ROBO2: variants seen among roughly 807,000 people sequenced by gnomAD.
The protein encoded by ROBO2 is roundabout guidance receptor 2.
Under a neutral mutation model 160.8 loss-of-function variants are expected in ROBO2, and 53 were observed. The ratio of observed to expected loss-of-function variants is 0.33; its 90% CI spans 0.26 to 0.41. The LOEUF (loss-of-function observed/expected upper bound fraction) is 0.41. Ranked by LOEUF, ROBO2 falls within the 10% of genes least tolerant of loss-of-function variation. The probability of loss-of-function intolerance (pLI) is 1.00; values close to 1 mark genes in which losing one functional copy is unlikely to be tolerated. For synonymous variants in ROBO2, 664 were observed against 611.7 expected, an observed-to-expected ratio of 1.09 and a Z score of -1.26; for missense variants, 1,577 against 1,722.4, an observed-to-expected ratio of 0.92 and a Z score of 1.49.
chr3:77,505,831 A>C (rs1166759443), intron 5 of ROBO2, among the ~76,000 whole-genome samples: 1 of 152,072 alleles, frequency 6.6e-6, no homozygotes, highest in African/African-American at 2.4e-5. Context: ...ATTTGAATCC[A>C]AATCCAAATC....
rs532828033 is a variant in ROBO2, at chr3:76,938,501, T to C, written c.110-159513T>C. 2.6e-5 allele frequency among the ~76,000 whole-genome samples: 4 copies of C among 152,212 alleles called. No individual in the cohort carries two copies. The East Asian group carries it at 7.8e-4, about 30-fold the overall frequency. ...AAAACCCACCAACCTACTTTCTGCT[T>C]CTCTCTGGTGATCTGCTCTCTCTCT... On this transcript the variant is annotated intron_variant, in intron 2 of 26. Transcript: ENST00000487694.
intron 2 of ROBO2, among the ~76,000 whole-genome samples, chr3:76,627,244 C>T (rs922816933): frequency 6.6e-6 from 1 of 152,166 alleles, no homozygotes; most frequent in Non-Finnish European, 1.5e-5. Flanking sequence ...TAATTTTACT[C>T]TCTCTACACT....
intron 2 of ROBO2, among the ~76,000 whole-genome samples, chr3:76,227,094 G>C (rs1704335725): frequency 6.6e-6 from 1 of 152,158 alleles, no homozygotes; most frequent in South Asian, 2.1e-4. Context: ...TCACTACAGT[G>C]AATCTGGAAT....
In ROBO2 at chr3:76,049,486, C is replaced by T. The variant is rs763353241; in HGVS notation, c.109+111884C>T. On this transcript the variant is annotated intron_variant, in intron 2 of 26. Transcript: ENST00000487694. Reference sequence around the variant, plus strand: ...CTCAAACTCCTGGACTCAAGTGATCCGTCTCCCTCAGTCTCCCAAAGTGCT... The same window carrying T: ...CTCAAACTCCTGGACTCAAGTGATCTGTCTCCCTCAGTCTCCCAAAGTGCT... Among the ~76,000 whole-genome samples the T allele has an allele frequency of 1.5e-3, 209 of 143,616 alleles. 1 individual carries two copies. Among genetic ancestry groups the T allele is most frequent in the Non-Finnish European group, 2.4e-3 (161 of 66,956 alleles). The allele number at this position is 143,616 out of a possible 152,430, so 94.2% of individuals were successfully genotyped here.
chr3:76,545,175 C>A (rs778737329), intron 2 of ROBO2, among the ~76,000 whole-genome samples: 1 of 151,880 alleles, frequency 6.6e-6, no homozygotes, highest in Non-Finnish European at 1.5e-5. Flanking sequence ...GTGGATACTT[C>A]GATTTTTCTC....
chr3:77,307,643 G>T (rs1448025561), intron 2 of ROBO2, among the ~76,000 whole-genome samples: 1 of 152,186 alleles, frequency 6.6e-6, no homozygotes, highest in East Asian at 1.9e-4. Context: ...AGCACTTTGG[G>T]AGGCTGAGGC....
At chr3:76,048,168 T>C (rs2107799471) in intron 2 of ROBO2, among the ~76,000 whole-genome samples, 1 of 152,208 alleles carries the variant, frequency 6.6e-6, no homozygotes, top group South Asian at 2.1e-4. Flanking sequence ...TGCATTCCCG[T>C]AGGTGGGCAG....
At chr3:76,586,539 T>A (rs1011519981) in intron 2 of ROBO2, among the ~76,000 whole-genome samples, 2 of 152,226 alleles carry the variant, frequency 1.3e-5, no homozygotes, top group African/African-American at 2.4e-5. Flanking sequence ...TAAAATGAGT[T>A]TTTTAAAAAT....
At chr3:77,139,583 G>A (rs1327008070) in intron 2 of ROBO2, among the ~76,000 whole-genome samples, 1 of 152,164 alleles carries the variant, frequency 6.6e-6, no homozygotes, top group Admixed American at 6.6e-5. Flanking sequence ...ATATAATGCA[G>A]ATATGAAACC....
At chr3:76,464,027 T>G (rs528310214) in intron 2 of ROBO2, among the ~76,000 whole-genome samples, 60 of 152,012 alleles carry the variant, frequency 3.9e-4, no homozygotes, top group Middle Eastern at 6.8e-3. Flanking sequence ...ATAATAGGAG[T>G]TGGAAAGAGA....
At chr3:77,392,471 T>A (rs2074837950) in intron 2 of ROBO2, among the ~76,000 whole-genome samples, 1 of 152,242 alleles carries the variant, frequency 6.6e-6, no homozygotes, top group Non-Finnish European at 1.5e-5. Flanking sequence ...GACACCACAA[T>A]GCCTGACTCT....
At chr3:76,980,599 A>G (rs945037893) in intron 2 of ROBO2, among the ~76,000 whole-genome samples, 1 of 152,176 alleles carries the variant, frequency 6.6e-6, no homozygotes, top group Non-Finnish European at 1.5e-5. Context: ...GACAACTTGA[A>G]CTATGCATTT....
At chr3:76,535,044 T>G (rs1247545648) in intron 2 of ROBO2, among the ~76,000 whole-genome samples, 1 of 151,898 alleles carries the variant, frequency 6.6e-6, no homozygotes, top group Non-Finnish European at 1.5e-5. Flanking sequence ...GGTGAGTTGC[T>G]GGGACTGGTG....
chr3:76,275,909 A>T (rs1312672740), intron 2 of ROBO2, among the ~76,000 whole-genome samples: 2 of 152,098 alleles, frequency 1.3e-5, no homozygotes, highest in African/African-American at 4.8e-5. Context: ...TGTAAAGACA[A>T]AAAAGAACTC....
At chr3:77,446,642 T>C (rs574674489) in intron 2 of ROBO2, among the ~76,000 whole-genome samples, 1 of 152,148 alleles carries the variant, frequency 6.6e-6, no homozygotes, top group African/African-American at 2.4e-5. Context: ...TGTATATGGT[T>C]TCTACTACAA....
chr3:77,646,434 G>C (rs1352829973), exon 26 of ROBO2: 1 of 182,480 alleles, frequency 5.5e-6, no homozygotes, highest in Admixed American at 6.1e-5. Context: ...TGAATTAATA[G>C]GCTGTGGTGC....
intron 2 of ROBO2, among the ~76,000 whole-genome samples, chr3:76,541,812 G>T (rs1173470689): frequency 6.6e-6 from 1 of 152,162 alleles, no homozygotes; most frequent in Non-Finnish European, 1.5e-5. Flanking sequence ...CTGTCATGCT[G>T]TTCCTACCTT....
chr3:77,468,434 G>T (rs1367160529), intron 2 of ROBO2, among the ~76,000 whole-genome samples: 4 of 152,152 alleles, frequency 2.6e-5, no homozygotes, highest in Admixed American at 2.6e-4. Context: ...CATTACAGAG[G>T]TTATGGATAC....
chr3:77,373,695 A>G (rs2072157475), intron 2 of ROBO2, among the ~76,000 whole-genome samples: 1 of 151,988 alleles, frequency 6.6e-6, no homozygotes, highest in African/African-American at 2.4e-5. Context: ...TGTATCAGAT[A>G]AATTATAGCT....
Sources: allele counts gnomAD v4.1 joint callset (sites outside exome capture counted in the v4.1 genomes callset), GRCh38; gene constraint gnomAD v4.1.1; transcripts MANE v1.5; gene names NCBI Gene and HGNC (gene_info 2026-07-23, HGNC 2026-07-21).